KMT2B: variants seen among roughly 807,000 people sequenced by gnomAD.
KMT2B encodes the protein histone-lysine N-methyltransferase 2B.
Under a neutral mutation model 255.3 loss-of-function variants are expected in KMT2B, and 22 were observed. That is an observed-to-expected ratio of 0.09 (90% CI 0.06 to 0.12). KMT2B has a LOEUF of 0.12. Ranked by LOEUF, KMT2B falls within the 10% of genes least tolerant of loss-of-function variation. The pLI is 1.00. For synonymous variants in KMT2B, 1,730 were observed against 1,498.1 expected, an observed-to-expected ratio of 1.15 and a Z score of -3.57; for missense variants, 3,149 against 3,737.0, an observed-to-expected ratio of 0.84 and a Z score of 4.10.
chr19:35,731,527 G>A (rs1969690252), intron 26 of KMT2B, among the ~76,000 whole-genome samples: 1 of 152,178 alleles, frequency 6.6e-6, no homozygotes, highest in Admixed American at 6.5e-5. Flanking sequence ...GTTGGGTGGA[G>A]CCAGGTAATG....
Position 35,738,018 on chromosome 19 carries a change from C to G in KMT2B, c.7743-44C>G. On this transcript the variant is annotated intron_variant, in intron 35 of 36. Transcript: ENST00000420124. The surrounding 1 kb of genome is among the most constrained non-coding windows in gnomAD (Gnocchi z 8.7). ...CTGGGTAGGGGGTACTGTCTGGTTT[C>G]TGTCCCCCTCCCCCCTGAGTTCCCT... 1 of 1,613,338 alleles carries G rather than the reference C, an allele frequency of 6.2e-7. No individual in the cohort carries two copies. The highest frequency in any genetic ancestry group is 1.1e-5 in the South Asian group (1 of 90,982).
In KMT2B at chr19:35,719,802, G is replaced by T; in HGVS notation, c.455G>T (p.Arg152Leu). Residue 152 changes from arginine (R) to leucine (L), a missense_variant, in exon 3 of 37, where the codon CGG becomes CTG. Physicochemically the swap from Arg to Leu is moderately radical, Grantham distance 102 (BLOSUM62 -2). Coordinates refer to ENST00000420124, the MANE Select transcript of KMT2B (RefSeq NM_014727.3). The stretch of plus-strand genomic sequence containing the variant: ...CTTTTAGGTCGAGCGCCCCGAGGTC[G>T]GGGTCGCAAGCATAAGACGACCCCC... Reference protein sequence around the residue: ...RSQRGRAPRGRGRKHKTTPLP... With the variant: ...RSQRGRAPRGLGRKHKTTPLP... 6.2e-7 allele frequency: 1 copy of T among 1,600,240 alleles called. No individual in the cohort carries two copies. Among genetic ancestry groups the T allele is most frequent in the Non-Finnish European group, 8.5e-7 (1 of 1,173,866 alleles).
intron 19 of KMT2B, 61 bp from the exon 20 acceptor site, chr19:35,728,713 A>G: frequency 5.3e-6 from 7 of 1,317,902 alleles, no homozygotes; most frequent in Non-Finnish European, 7.6e-6. Context: ...TGGTTTGTGG[A>G]TGGGCCCCCG....
At chr19:35,724,073 G>A in intron 8 of KMT2B, 66 bp downstream of exon 8, 2 of 1,444,478 alleles carry the variant, frequency 1.4e-6, no homozygotes, top group South Asian at 1.3e-5. Context: ...GTGTAGGAGG[G>A]ACAAGGCACC....
At position 35,730,696 on chromosome 19, in the gene KMT2B, C is replaced by T; in HGVS notation, c.5277-11C>T. The T allele has an allele frequency of 6.2e-7, 1 of 1,613,918 alleles. No homozygotes were observed. Among genetic ancestry groups the T allele is most frequent in the South Asian group, 1.1e-5 (1 of 91,082 alleles). On this transcript the variant is annotated splice_polypyrimidine_tract_variant and intron_variant, in intron 25 of 36. Transcript: ENST00000420124. ...TCCCAAGCATCCTAACCGTCTTATC[C>T]CACATGCCAGGTGCTCCCGTCTGTA...
Position 35,721,139 on chromosome 19 carries a change from G to A in KMT2B, c.1792G>A (p.Glu598Lys). 3 of 1,600,624 alleles carry A rather than the reference G, an allele frequency of 1.9e-6. No individual in the cohort carries two copies. Among genetic ancestry groups the A allele is most frequent in the South Asian group, 1.1e-5 (1 of 88,808 alleles). ...TCCATCTACCCCAGTTCCACTCCCT[G>A]AGAAGAGACGGTCCATCCTAAGGGA... ...TPPSTPVPLP[E>K]KRRSILREPT... The change falls in exon 3 of 37, where the codon GAG becomes AAG. Residue 598 changes from glutamate to lysine, a missense_variant. By Grantham distance (56) the Glu-to-Lys change is moderately conservative (BLOSUM62 1). Coordinates refer to ENST00000420124, the MANE Select transcript of KMT2B (RefSeq NM_014727.3).
In KMT2B at chr19:35,725,286, G is replaced by T. The variant is rs750568281; in HGVS notation, c.3595G>T (p.Gly1199Cys). The T allele has an allele frequency of 9.5e-6, 15 of 1,583,428 alleles. No homozygotes were observed. Among genetic ancestry groups the T allele is most frequent in the Middle Eastern group, 1.7e-4 (1 of 5,876 alleles). ...GLSVLTSVPG[G>C]PPMVCLLCAS... ...GAGTGTGCTCACCTCTGTGCCAGGG[G>T]GCCCCCCGATGGTGTGCTTGCTGTG... is the stretch of plus-strand genomic sequence containing the variant. Residue 1199 changes from glycine to cysteine, a missense_variant, in exon 11 of 37, where the codon GGC becomes TGC. Physicochemically the swap from Gly to Cys is radical, Grantham distance 159. Around this residue, in one of 18 missense-constraint regions of KMT2B, gnomAD observed 42 missense variants for 121.0 expected, o/e 0.35. Transcript: ENST00000420124. The surrounding 1 kb of genome is among the most constrained non-coding windows in gnomAD (Gnocchi z 4.1).
At position 35,724,743 on chromosome 19, in the gene KMT2B, C is replaced by T. The variant is rs755958981; in HGVS notation, c.3429+12C>T. The stretch of plus-strand genomic sequence containing the variant: ...GGCGCCTGGACAAGGTCAGCACGGC[C>T]CGCTCCGAGAGCCCCTTCCCTCCAG... On this transcript the variant is annotated intron_variant, in intron 9 of 36. Coordinates refer to ENST00000420124, the MANE Select transcript of KMT2B (RefSeq NM_014727.3). 34 of 1,568,480 alleles carry T rather than the reference C, an allele frequency of 2.2e-5. No individual in the cohort carries two copies. Among genetic ancestry groups the T allele is most frequent in the Non-Finnish European group, 2.8e-5 (32 of 1,157,028 alleles).
In KMT2B at chr19:35,738,078, C is replaced by A; in HGVS notation, c.7759C>A (p.Arg2587=). 1 of 1,613,774 alleles carries A rather than the reference C, an allele frequency of 6.2e-7. No individual in the cohort carries two copies. Among genetic ancestry groups the A allele is most frequent in the Non-Finnish European group, 8.5e-7 (1 of 1,179,850 alleles). Residue 2587 remains arginine, a synonymous_variant, in exon 36 of 37, where the codon CGA becomes AGA. Coordinates refer to ENST00000420124, the MANE Select transcript of KMT2B (RefSeq NM_014727.3). The surrounding 1 kb of genome is among the most constrained non-coding windows in gnomAD (Gnocchi z 8.7). The part of the protein sequence containing the change: ...VGVYRSAIHG[R]GLFCKRNIDA... Reference sequence around the variant, plus strand: ...GCCCTGCAGATCAGCCATCCACGGGCGAGGCCTGTTCTGTAAGCGCAACAT... The same window carrying A: ...GCCCTGCAGATCAGCCATCCACGGGAGAGGCCTGTTCTGTAAGCGCAACAT...
intron 30 of KMT2B, among the ~76,000 whole-genome samples, chr19:35,734,484 G>A (rs558276840): frequency 6.6e-6 from 1 of 152,356 alleles, no homozygotes; most frequent in African/African-American, 2.4e-5. Flanking sequence ...TGGGCGAGCA[G>A]CGTGGAGGTG....
At position 35,727,872 on chromosome 19, in the gene KMT2B, C is replaced by T. The variant is rs753262252; in HGVS notation, c.4393-9C>T. The T allele has an allele frequency of 1.9e-6, 3 of 1,609,756 alleles. No individual in the cohort carries two copies. The highest frequency in any genetic ancestry group is 2.5e-6 in the Non-Finnish European group (3 of 1,177,054). The stretch of plus-strand genomic sequence containing the variant: ...GAGGGGACTCAGTCTCTGACAAACC[C>T]CCTTACAGCACAGCTTCATGGAGGA... On this transcript the variant is annotated splice_polypyrimidine_tract_variant and intron_variant, in intron 17 of 36. Transcript: ENST00000420124. The surrounding 1 kb of genome is among the most constrained non-coding windows in gnomAD (Gnocchi z 4.2).
Position 35,725,370 on chromosome 19 carries a change from T to C in KMT2B, c.3642+37T>C. ...GCCTTTCTTCACAGACCCCCAGCTC[T>C]CTGTCGGTCCTCACGGCCTGATTCC... On this transcript the variant is annotated intron_variant, in intron 11 of 36. Coordinates refer to ENST00000420124, the MANE Select transcript of KMT2B (RefSeq NM_014727.3). This position sits in a 1 kb window ranked among gnomAD's most constrained non-coding sequence, Gnocchi z 4.1. 1 of 1,560,720 alleles carries C rather than the reference T, an allele frequency of 6.4e-7. No homozygotes were observed. The highest frequency in any genetic ancestry group is 8.7e-7 in the Non-Finnish European group (1 of 1,152,114).
chr19:35,729,465 G>C (rs1969604934), intron 22 of KMT2B, among the ~76,000 whole-genome samples, 169 bp downstream of exon 22: 1 of 152,166 alleles, frequency 6.6e-6, no homozygotes, highest in Admixed American at 6.5e-5. Context: ...TTTCCTATGT[G>C]GGCCCTCTGG....
chr19:35,737,255 C>T lies in KMT2B; in HGVS notation c.7542C>T (p.Val2514=). The T allele has an allele frequency of 6.5e-7, 1 of 1,527,072 alleles. No individual in the cohort carries two copies. The highest frequency in any genetic ancestry group is 1.3e-5 in the South Asian group (1 of 79,356). The allele number at this position is 1,527,072 out of a possible 1,614,324, so 94.6% of individuals were successfully genotyped here. The change falls in exon 33 of 37, where the codon GTC becomes GTT. Residue 2514 remains valine (V), a synonymous_variant. Coordinates refer to ENST00000420124, the MANE Select transcript of KMT2B (RefSeq NM_014727.3). The surrounding 1 kb of genome is among the most constrained non-coding windows in gnomAD (Gnocchi z 5.3). ...LNPHGAARAE[V]YLRKCTFDMF... ...CCCATGGGGCTGCTCGGGCAGAGGT[C>T]TATCTCCGGTGAGAGGTCTGGGGTG...
In KMT2B at chr19:35,718,802, T is replaced by C. The variant is rs1467726793; in HGVS notation, c.363+421T>C. On this transcript the variant is annotated intron_variant, in intron 1 of 36. Transcript: ENST00000420124. This position sits in a 1 kb window ranked among gnomAD's most constrained non-coding sequence, Gnocchi z 5.0. Reference sequence around the variant, plus strand: ...CCGCCGGGCCTCGCAACCTCCTGGTTTCTCCAGGGCCCCAGTTTCTCTTGG... The same window carrying C: ...CCGCCGGGCCTCGCAACCTCCTGGTCTCTCCAGGGCCCCAGTTTCTCTTGG... Among the ~76,000 whole-genome samples, 3 of 152,294 alleles carry C rather than the reference T, an allele frequency of 2.0e-5. No individual in the cohort carries two copies. Among genetic ancestry groups the C allele is most frequent in the Non-Finnish European group, 4.4e-5 (3 of 68,010 alleles).
chr19:35,733,511 G>A lies in KMT2B; in HGVS notation c.6959+3G>A, dbSNP rs977855587. 4 of 1,553,458 alleles carry A rather than the reference G, an allele frequency of 2.6e-6. No individual in the cohort carries two copies. The Admixed American group carries it at 5.8e-5, about 23-fold the overall frequency. ...GTTCCAGGGCTTGGCAGTGGCGGGT[G>A]AGTGCGGGTGCTGAGGCTGGCAGAG... On this transcript the variant is annotated splice_donor_region_variant and intron_variant, in intron 28 of 36. Transcript: ENST00000420124. This position sits in a 1 kb window ranked among gnomAD's most constrained non-coding sequence, Gnocchi z 4.3.
In KMT2B at chr19:35,732,973, C is replaced by G; in HGVS notation, c.6424C>G (p.Leu2142Val). 6.2e-7 allele frequency: 1 copy of G among 1,603,756 alleles called. No individual in the cohort carries two copies. The highest frequency in any genetic ancestry group is 1.1e-5 in the South Asian group (1 of 89,572). The change falls in exon 28 of 37, where the codon CTG becomes GTG. Residue 2142 changes from leucine (L) to valine (V), a missense_variant. Physicochemically the swap from Leu to Val is conservative, Grantham distance 32. Coordinates refer to ENST00000420124, the MANE Select transcript of KMT2B (RefSeq NM_014727.3). ...GGAGTCACTCCCCCCGGCGCCTCCC[C>G]TGGCTAATGGCAGCCAGCCCTCCCA... ...REESLPPAPP[L>V]ANGSQPSQGL...
Position 35,720,419 on chromosome 19 carries a change from G to A in KMT2B, c.1072G>A (p.Glu358Lys). 1 of 1,563,168 alleles carries A rather than the reference G, an allele frequency of 6.4e-7. No homozygotes were observed. The highest frequency in any genetic ancestry group is 8.7e-7 in the Non-Finnish European group (1 of 1,153,316). ...AGGGAGCCCTTGCTGGAAAAAGCAGGAACAGAAGCTGGATGACGAGGAAGA... is the reference window on the plus strand; with the variant it reads ...AGGGAGCCCTTGCTGGAAAAAGCAGAAACAGAAGCTGGATGACGAGGAAGA... ...QGGSPCWKKQ[E>K]QKLDDEEEEK... Residue 358 changes from glutamate (E) to lysine (K), a missense_variant, in exon 3 of 37, where the codon GAA (glutamate) becomes AAA (lysine). Transcript: ENST00000420124.
At position 35,736,752 on chromosome 19, in the gene KMT2B, A is replaced by C; in HGVS notation, c.7222A>C (p.Lys2408Gln). Residue 2408 changes from lysine (K) to glutamine (Q), a missense_variant, in exon 31 of 37, where the codon AAA (lysine) becomes CAA (glutamine). Around this residue, in one of 18 missense-constraint regions of KMT2B, gnomAD observed 897 missense variants for 825.3 expected, o/e 1.09. Transcript: ENST00000420124. ...SPDDKENQAP[K>Q]RTGPHLRFEI... ...AGATGATAAAGAGAACCAGGCCCCA[A>C]AACGGACTGGCCCACATCTGCGCTT... is the stretch of plus-strand genomic sequence containing the variant. 1 of 1,613,988 alleles carries C rather than the reference A, an allele frequency of 6.2e-7. No homozygotes were observed. The highest frequency in any genetic ancestry group is 8.5e-7 in the Non-Finnish European group (1 of 1,179,880).
Sources: allele counts gnomAD v4.1 joint callset (sites outside exome capture counted in the v4.1 genomes callset), GRCh38; gene constraint gnomAD v4.1.1; regional missense constraint gnomAD v4.1.1; non-coding constraint Gnocchi (gnomAD v3.1); transcripts MANE v1.5; gene names NCBI Gene and HGNC (gene_info 2026-07-23, HGNC 2026-07-21).